Variants in FAAH2 observed in about 807,000 individuals in gnomAD.
FAAH2 encodes fatty-acid amide hydrolase 2.
Under a neutral mutation model 36.9 loss-of-function variants are expected in FAAH2, and 60 were observed. The ratio of observed to expected loss-of-function variants is 1.63; its 90% confidence interval spans 1.32 to 2.02. The LOEUF is 2.02. FAAH2 is among the 30% of genes most tolerant of loss of function. The pLI, the probability that FAAH2 is intolerant of heterozygous loss-of-function variation, is 0.00. For synonymous variants in FAAH2, 214 were observed against 143.8 expected, an observed-to-expected ratio of 1.49 and a Z score of -3.49; for missense variants, 689 against 397.5, an observed-to-expected ratio of 1.73 and a Z score of -6.23.
At chrX:57,310,805 G>A (rs753912963) in intron 3 of FAAH2, 76 bp downstream of exon 3, 2 of 1,056,091 alleles carry the variant, frequency 1.9e-6, no homozygotes, top group South Asian at 2.5e-5. Flanking sequence ...AAACTAAAAA[G>A]GATGGTATAA....
intron 7 of FAAH2, among the ~76,000 whole-genome samples, chrX:57,426,456 C>T (rs968735897): frequency 2.6e-4 from 29 of 111,363 alleles, no homozygotes; most frequent in Non-Finnish European, 4.9e-4. Flanking sequence ...AGAATTCCTC[C>T]AATCGGCTCA....
the FAAH2 span, among the ~76,000 whole-genome samples, chrX:57,204,897 T>A: frequency 8.9e-6 from 1 of 112,532 alleles, no homozygotes; most frequent in Admixed American, 9.4e-5. Flanking sequence ...TAGTAACGTG[T>A]TTAATATTCC....
Position 57,437,180 on chromosome X carries a change from T to A in FAAH2, c.1116+5143T>A, listed in dbSNP as rs369364516. Among the ~76,000 whole-genome samples, 24 of 111,438 alleles carry A rather than the reference T, an allele frequency of 2.2e-4. No individual in the cohort carries two copies. In the East Asian group the frequency reaches 6.7e-3, roughly 31 times the overall value. ...AAAGCATTTAATAAAATTTAGAATC[T>A]TTTTATGATAAACAGTCTCAACAAT... On this transcript the variant is annotated intron_variant, in intron 8 of 10. Transcript: ENST00000374900.
chrX:57,231,261 C>T, the FAAH2 span, among the ~76,000 whole-genome samples: 1 of 110,647 alleles, frequency 9.0e-6, no homozygotes, highest in African/African-American at 3.3e-5. Context: ...TCAAAACTAC[C>T]CACTCTTGGT....
At chrX:57,239,422 T>C in the FAAH2 span, among the ~76,000 whole-genome samples, 1 of 110,870 alleles carries the variant, frequency 9.0e-6, no homozygotes, top group African/African-American at 3.3e-5. Flanking sequence ...ATTTGCAAGT[T>C]TCTTGATGGG....
chrX:57,201,290 G>T, the FAAH2 span, among the ~76,000 whole-genome samples: 1 of 110,053 alleles, frequency 9.1e-6, no homozygotes, highest in Non-Finnish European at 1.9e-5. Flanking sequence ...GTGTTGGTGG[G>T]CACCTGTAAT....
chrX:57,283,613 G>A (rs2051774279), upstream of FAAH2, among the ~76,000 whole-genome samples: 1 of 111,355 alleles, frequency 9.0e-6, no homozygotes, highest in South Asian at 3.9e-4. Context: ...GCTCTGCCAA[G>A]GGTGGGACGT....
the FAAH2 span, among the ~76,000 whole-genome samples, chrX:57,245,458 A>T: frequency 8.9e-6 from 1 of 111,785 alleles, no homozygotes; most frequent in African/African-American, 3.3e-5. Context: ...ACTTATTCTA[A>T]AATTGACCAA....
At chrX:57,483,788 T>C (rs1198656426) in intron 10 of FAAH2, among the ~76,000 whole-genome samples, 1 of 22,728 alleles carries the variant, frequency 4.4e-5, no homozygotes, top group African/African-American at 6.5e-5. Flanking sequence ...CTTTTTTTTT[T>C]TTTTTTTTTT....
chrX:57,302,728 A>G (rs1298021009), intron 2 of FAAH2, among the ~76,000 whole-genome samples: 2 of 111,251 alleles, frequency 1.8e-5, no homozygotes, highest in African/African-American at 6.5e-5. Flanking sequence ...GCAGGATTTC[A>G]AGATATATAG....
intron 7 of FAAH2, chrX:57,393,830 C>T: frequency 1.1e-6 from 1 of 873,735 alleles, no homozygotes; most frequent in South Asian, 2.0e-5. Flanking sequence ...CCTCAGGAAT[C>T]TATCATTGGT....
At chrX:57,378,573 T>C (rs1602460607) in intron 5 of FAAH2, 78 bp from the exon 6 acceptor site, 3 of 1,149,912 alleles carry the variant, frequency 2.6e-6, no homozygotes, top group Non-Finnish European at 1.2e-6. Flanking sequence ...TTAAGATAGA[T>C]TAAACACCAT....
upstream of FAAH2, among the ~76,000 whole-genome samples, chrX:57,281,968 G>T (rs956232743): frequency 8.9e-6 from 1 of 111,871 alleles, no homozygotes; most frequent in Non-Finnish European, 1.9e-5. Flanking sequence ...CCAGTCTAAT[G>T]TTGATGGGCA....
the FAAH2 span, among the ~76,000 whole-genome samples, chrX:57,159,616 T>C: frequency 9.0e-6 from 1 of 111,297 alleles, no homozygotes; most frequent in African/African-American, 3.3e-5. Flanking sequence ...TGAATGGGAG[T>C]TCACTCATGA....
chrX:57,463,963 T>C (rs918370269), intron 10 of FAAH2, among the ~76,000 whole-genome samples: 1 of 112,085 alleles, frequency 8.9e-6, no homozygotes, highest in Non-Finnish European at 1.9e-5. Context: ...CATATGTTTA[T>C]TGCAGCACTA....
At chrX:57,293,777 A>G (rs2052054914) in intron 2 of FAAH2, among the ~76,000 whole-genome samples, 1 of 111,138 alleles carries the variant, frequency 9.0e-6, no homozygotes, top group Admixed American at 9.6e-5. Flanking sequence ...AGAAAATCAA[A>G]ATTTTGACCT....
At chrX:57,385,098 G>A (rs1361208876) in intron 7 of FAAH2, among the ~76,000 whole-genome samples, 6 of 109,951 alleles carry the variant, frequency 5.5e-5, no homozygotes, top group Non-Finnish European at 1.1e-4. Context: ...CTTGGACACA[G>A]GAAGGGGAAC....
chrX:57,254,685 A>G, the FAAH2 span, among the ~76,000 whole-genome samples: 1 of 111,963 alleles, frequency 8.9e-6, no homozygotes, highest in Non-Finnish European at 1.9e-5. Flanking sequence ...CTGGGTAAAT[A>G]AAGAAATGAA....
At chrX:57,250,823 T>C in the FAAH2 span, among the ~76,000 whole-genome samples, 1 of 107,659 alleles carries the variant, frequency 9.3e-6, no homozygotes, top group Admixed American at 9.9e-5. Context: ...AAATAGAAAA[T>C]ATGAACAGAC....
Sources: allele counts gnomAD v4.1 joint callset (sites outside exome capture counted in the v4.1 genomes callset), GRCh38; gene constraint gnomAD v4.1.1; transcripts MANE v1.5; gene names NCBI Gene and HGNC (gene_info 2026-07-23, HGNC 2026-07-21).